The following RERE variants were observed in gnomAD, a reference collection of about 807,000 sequenced individuals.
RERE encodes the protein arginine-glutamic acid dipeptide repeats.
Under a neutral mutation model 146.1 loss-of-function variants are expected in RERE, and 40 were observed. That is an observed-to-expected ratio of 0.27 (90% CI 0.21 to 0.36). RERE has a LOEUF of 0.36. Ranked by LOEUF, RERE falls within the 10% of genes least tolerant of loss-of-function variation. RERE has a pLI of 1.00. For synonymous variants in RERE, 1,003 were observed against 866.0 expected, an observed-to-expected ratio of 1.16 and a Z score of -2.78; for missense variants, 1,933 against 2,138.7, an observed-to-expected ratio of 0.90 and a Z score of 1.90.
At chr1:8,774,917 A>G (rs991897915) in intron 1 of RERE, among the ~76,000 whole-genome samples, 11 of 137,834 alleles carry the variant, frequency 8.0e-5, no homozygotes, top group African/African-American at 3.0e-4. Context: ...AAAGCCCCAT[A>G]TCAGCCTTTC....
chr1:8,529,287 C>CTTTTTTTTTTTTTTTTTTTTT (rs34547801), intron 7 of RERE, among the ~76,000 whole-genome samples: 6 of 102,446 alleles, frequency 5.9e-5, no homozygotes, highest in African/African-American at 1.9e-4. Context: ...GTTCTCCCTT[C>CTTTTTTTTTTTTTTTTTTTTT]TTTTTTTTTT....
intron 12 of RERE, among the ~76,000 whole-genome samples, chr1:8,406,821 A>T (rs537683118): frequency 1.3e-5 from 2 of 152,200 alleles, no homozygotes; most frequent in African/African-American, 4.8e-5. Context: ...AAACCTAAGA[A>T]GTACTACGTA....
chr1:8,528,003 T>C (rs1470835856), intron 7 of RERE, among the ~76,000 whole-genome samples: 1 of 152,228 alleles, frequency 6.6e-6, no homozygotes, highest in African/African-American at 2.4e-5. Context: ...AGATTCTAAG[T>C]CCTTCAGGGA....
chr1:8,792,269 G>C (rs1419229675), intron 1 of RERE: 1 of 152,100 alleles, frequency 6.6e-6, no homozygotes. Flanking sequence ...ATTCATACCA[G>C]AAACCAGGTA....
intron 10 of RERE, among the ~76,000 whole-genome samples, chr1:8,492,494 A>G (rs1367642319): frequency 6.6e-6 from 1 of 152,240 alleles, no homozygotes; most frequent in African/African-American, 2.4e-5. Context: ...ATGGTGGCCC[A>G]TGCCTGTAAT....
chr1:8,573,005 A>G (rs971924470), intron 4 of RERE, among the ~76,000 whole-genome samples: 1 of 152,216 alleles, frequency 6.6e-6, no homozygotes, highest in African/African-American at 2.4e-5. Flanking sequence ...TAATGATTCC[A>G]TACACCAGTT....
At chr1:8,744,482 C>T (rs754253631) in intron 1 of RERE, among the ~76,000 whole-genome samples, 5 of 152,152 alleles carry the variant, frequency 3.3e-5, no homozygotes, top group African/African-American at 9.7e-5. Context: ...TTCTTAAACA[C>T]GCCTACTATC....
chr1:8,726,532 G>C (rs545145353), intron 1 of RERE, among the ~76,000 whole-genome samples: 7 of 152,258 alleles, frequency 4.6e-5, no homozygotes, highest in Admixed American at 1.3e-4. Flanking sequence ...TGATACATTA[G>C]CTAATCTTTG....
intron 1 of RERE, among the ~76,000 whole-genome samples, chr1:8,668,922 C>CTGTGTGTGTGTGTG (rs1491114623): frequency 2.6e-5 from 2 of 76,962 alleles, no homozygotes; most frequent in African/African-American, 1.1e-4. Flanking sequence ...ATGCACTAAA[C>CTGTGTGTGTGTGTG]TCTGTGTGTG....
intron 11 of RERE, among the ~76,000 whole-genome samples, chr1:8,441,162 T>G (rs1460389615): frequency 6.6e-6 from 1 of 152,120 alleles, no homozygotes; most frequent in Admixed American, 6.5e-5. Flanking sequence ...GTCACACCAC[T>G]AGCCCAGCTC....
At chr1:8,794,358 A>C (rs1193903418) in intron 1 of RERE, among the ~76,000 whole-genome samples, 2 of 76,004 alleles carry the variant, frequency 2.6e-5, no homozygotes, top group Non-Finnish European at 5.5e-5. Flanking sequence ...ACTCCGTCTC[A>C]AAAAAAAAAA....
chr1:8,358,108 G>T (rs1382389589), intron 20 of RERE, 88 bp downstream of exon 20: 5 of 1,513,854 alleles, frequency 3.3e-6, no homozygotes, highest in South Asian at 1.3e-5. Context: ...GAAAAGAACA[G>T]TTTCCGCTCC....
At chr1:8,659,729 GAAAAA>G (rs948563322) in intron 1 of RERE, among the ~76,000 whole-genome samples, 1 of 151,852 alleles carries the variant, frequency 6.6e-6, no homozygotes, top group Non-Finnish European at 1.5e-5. Flanking sequence ...ATAACTTTAA[GAAAAA>G]AAATCATTCT....
chr1:8,555,291 T>A (rs1301242796), intron 6 of RERE, among the ~76,000 whole-genome samples: 1 of 152,254 alleles, frequency 6.6e-6, no homozygotes, highest in Non-Finnish European at 1.5e-5. Flanking sequence ...CCATCAAGTT[T>A]TACTGCAGCC....
chr1:8,387,681 C>A, intron 12 of RERE, among the ~76,000 whole-genome samples: 1 of 152,132 alleles, frequency 6.6e-6, no homozygotes, highest in East Asian at 1.9e-4. Context: ...CCAATAAACT[C>A]ATTAAAGGAT....
intron 1 of RERE, among the ~76,000 whole-genome samples, chr1:8,694,976 G>GT (rs1553135237): frequency 7.3e-6 from 1 of 136,972 alleles, no homozygotes; most frequent in Admixed American, 7.3e-5. Context: ...AATCCTAAGG[G>GT]GGGGGGGGGA....
rs1035408100 is a variant in RERE, at chr1:8,360,727, T to C, written c.2780A>G (p.His927Arg). 1.0e-5 allele frequency: 16 copies of C among 1,589,650 alleles called. No homozygotes were observed. Among genetic ancestry groups the C allele is most frequent in the Non-Finnish European group, 1.4e-5 (16 of 1,170,722 alleles). The change falls in exon 18 of 23, where the codon CAC (histidine) becomes CGC (arginine). Residue 927 changes from histidine to arginine, a missense_variant. Physicochemically the swap from His to Arg is conservative, Grantham distance 29. Coordinates refer to ENST00000400908, the MANE Select transcript of RERE (RefSeq NM_001042681.2). ...GGGAGTGGTAGGCGGGGGCTTGATG[T>C]GGGGCATGGCCAAGGGCGCTGGTGG... ...PLPPAPLAMPHIKPPPTTPIP... is the reference protein window; with the variant it reads ...PLPPAPLAMPRIKPPPTTPIP...
At chr1:8,638,318 T>C (rs1647127587) in intron 2 of RERE, among the ~76,000 whole-genome samples, 1 of 152,222 alleles carries the variant, frequency 6.6e-6, no homozygotes, top group South Asian at 2.1e-4. Context: ...CTATAATTTA[T>C]ACTGATGTCA....
intron 12 of RERE, among the ~76,000 whole-genome samples, chr1:8,368,108 GA>G (rs767152061): frequency 9.2e-5 from 14 of 152,246 alleles, no homozygotes; most frequent in Non-Finnish European, 1.9e-4. Flanking sequence ...AGAAGAATGA[GA>G]AAAAACTCAC....
Sources: gnomAD v4.1 joint callset for allele counts (sites outside exome capture counted in the v4.1 genomes callset) on GRCh38, gnomAD v4.1.1 for gene constraint, MANE v1.5 for transcripts, NCBI Gene and HGNC (gene_info 2026-07-23, HGNC 2026-07-21) for gene names.